The following ZNF568 variants were observed in gnomAD, a reference collection of about 807,000 sequenced individuals.
ZNF568 encodes zinc finger protein 568.
A neutral mutation model predicts 18.1 loss-of-function variants in ZNF568; 11 were observed. The ratio of observed to expected loss-of-function variants is 0.61; its 90% CI spans 0.38 to 1.00. The LOEUF (loss-of-function observed/expected upper bound fraction) is 1.00. Among genes scored for constraint, ZNF568 ranks in the 50% least tolerant of loss-of-function variants. The pLI is 0.01. For synonymous variants in ZNF568, 213 were observed against 246.6 expected, an observed-to-expected ratio of 0.86 and a Z score of 1.28; for missense variants, 639 against 768.2, an observed-to-expected ratio of 0.83 and a Z score of 1.99.
intron 6 of ZNF568, among the ~76,000 whole-genome samples, chr19:36,946,388 G>A (rs2073964909): frequency 6.6e-6 from 1 of 151,780 alleles, no homozygotes; most frequent in African/African-American, 2.4e-5. Context: ...TTACTATGAG[G>A]CAAGAAATGA....
exon 5 of ZNF568, chr19:36,997,082 C>T: frequency 6.4e-7 from 1 of 1,565,164 alleles, no homozygotes; most frequent in Non-Finnish European, 8.6e-7. Context: ...CGTTATGACA[C>T]ACAGCTGAGC....
At chr19:36,980,150 A>G (rs1268588634), downstream of ZNF568, 2 of 152,080 alleles carry the variant, frequency 1.3e-5, no homozygotes, top group Admixed American at 6.6e-5. Flanking sequence ...CTTGCCGGTT[A>G]TATGTGCTGT....
At chr19:36,980,590 C>T (rs144482519), downstream of ZNF568, among the ~76,000 whole-genome samples, 946 of 152,218 alleles carry the variant, frequency 6.2e-3, 27 homozygotes, top group East Asian at 0.05. Flanking sequence ...TATAATAATT[C>T]AGTAGAAAGC....
chr19:36,980,677 C>T (rs2074323977), downstream of ZNF568, among the ~76,000 whole-genome samples: 1 of 152,096 alleles, frequency 6.6e-6, no homozygotes, highest in African/African-American at 2.4e-5. Context: ...GTTGTATTAC[C>T]CTCCCAGTAT....
At chr19:36,974,376 G>T (rs1365334035) in intron 6 of ZNF568, 1 of 1,528,632 alleles carries the variant, frequency 6.5e-7, no homozygotes, top group Admixed American at 2.0e-5. Context: ...TTCAGGGAGG[G>T]ATTCAGGATG....
chr19:36,938,068 C>A (rs2073819681), intron 6 of ZNF568, among the ~76,000 whole-genome samples: 1 of 152,006 alleles, frequency 6.6e-6, no homozygotes, highest in Non-Finnish European at 1.5e-5. Context: ...AGAGAAAAAC[C>A]TGTTGGAATT....
exon 5 of ZNF568, chr19:36,996,728 G>A (rs1272987286): frequency 1.3e-6 from 2 of 1,537,324 alleles, no homozygotes; most frequent in Admixed American, 2.0e-5. Flanking sequence ...AATAACAAAT[G>A]TGCCTTTAAT....
In ZNF568 at chr19:36,950,308, A is replaced by G; in HGVS notation, c.1155A>G (p.Thr385=). The stretch of plus-strand genomic sequence containing the variant: ...TTACGCTACATATGAGAAGTCACAC[A>G]GGGGAGAAACCCTATAAATGTAATA... ...SSVTLHMRSH[T]GEKPYKCNKC... Residue 385 remains threonine, a synonymous_variant, in exon 7 of 7, where the codon ACA becomes ACG. Transcript: ENST00000333987. The G allele has an allele frequency of 6.2e-7, 1 of 1,613,882 alleles. No individual in the cohort carries two copies.
At chr19:36,948,658 A>ATTTTTTGTTTTTTTT (rs2074004663) in intron 6 of ZNF568, among the ~76,000 whole-genome samples, 1 of 83,576 alleles carries the variant, frequency 1.2e-5, no homozygotes. Flanking sequence ...TTTGTTGTTG[A>ATTTTTTGTTTTTTTT]TTTTTTTTTT....
At chr19:36,942,943 T>C (rs2073908250) in intron 6 of ZNF568, among the ~76,000 whole-genome samples, 1 of 152,160 alleles carries the variant, frequency 6.6e-6, no homozygotes, top group Admixed American at 6.5e-5. Flanking sequence ...AGGATCCAAA[T>C]AAAATCTGCA....
intron 6 of ZNF568, among the ~76,000 whole-genome samples, chr19:36,961,862 T>C (rs890433456): frequency 2.1e-5 from 3 of 145,126 alleles, no homozygotes; most frequent in African/African-American, 7.6e-5. Flanking sequence ...CTCTATCATA[T>C]TGTTAATTGG....
At chr19:36,995,170 G>A (rs1450146063) in intron 4 of ZNF568, among the ~76,000 whole-genome samples, 3 of 151,860 alleles carry the variant, frequency 2.0e-5, no homozygotes, top group African/African-American at 7.3e-5. Flanking sequence ...GGCCGAGGTG[G>A]GCAGATCAAT....
intron 6 of ZNF568, among the ~76,000 whole-genome samples, chr19:36,939,584 G>A (rs372019425): frequency 1.3e-4 from 17 of 130,154 alleles, no homozygotes; most frequent in African/African-American, 5.1e-4. Flanking sequence ...CTGTCATCCA[G>A]GCTGGAGTGC....
intron 6 of ZNF568, among the ~76,000 whole-genome samples, chr19:36,962,353 G>A (rs1319696285): frequency 2.2e-4 from 4 of 18,126 alleles, no homozygotes; most frequent in East Asian, 1.7e-3. Context: ...TTTTTTTTTC[G>A]TTTCTGAGGC....
chr19:36,979,212 A>T (rs1362151479), exon 8 of ZNF568: 1 of 184,350 alleles, frequency 5.4e-6, no homozygotes, highest in African/African-American at 2.4e-5. Context: ...CAAACTCCCG[A>T]CCTCAGGTGA....
rs1254249984 is a variant in ZNF568, at chr19:36,949,509, T to A, written c.359-3T>A. ...AGTAATAATTTCTGGTCCTCCATTT[T>A]AGAAGTTTGGGAAGTTGATGAACAG... On this transcript the variant is annotated splice_polypyrimidine_tract_variant and splice_region_variant and intron_variant, in intron 6 of 6. Coordinates refer to ENST00000333987, the MANE Select transcript of ZNF568 (RefSeq NM_198539.4). The A allele has an allele frequency of 2.6e-6, 4 of 1,553,412 alleles. No individual in the cohort carries two copies. The South Asian group carries it at 5.0e-5, about 20-fold the overall frequency.
At chr19:36,927,216 T>C (rs1005005108) in intron 4 of ZNF568, among the ~76,000 whole-genome samples, 4 of 152,202 alleles carry the variant, frequency 2.6e-5, no homozygotes, top group African/African-American at 7.2e-5. Flanking sequence ...AATATGCAAC[T>C]ATTAATATTT....
rs146292508 is a variant in ZNF568 at position 36,952,131 on chromosome 19, A to AATAT, written c.*1051_*1054dup. 1 of 662,778 alleles carries AATAT rather than the reference A, an allele frequency of 1.5e-6. No individual in the cohort carries two copies. Among genetic ancestry groups the AATAT allele is most frequent in the African/African-American group, 2.0e-5 (1 of 49,706 alleles). 41.1% of individuals were successfully genotyped at this position (662,778 alleles called of 1,614,324 possible). A position where few individuals can be genotyped will look rare whatever the true frequency, so the allele number is the denominator to read the frequency against. Reference sequence around the variant, plus strand: ...AGAAACTCACAAATAATGCATAAGAAATATATATATAATATATGTATGTAT... The same window carrying AATAT: ...AGAAACTCACAAATAATGCATAAGAAATATATATATATATAATATATGTATGTAT... On this transcript the variant is annotated 3_prime_UTR_variant, in exon 7 of 7. Transcript: ENST00000333987.
chr19:36,925,555 C>G (rs916553899), intron 4 of ZNF568, among the ~76,000 whole-genome samples: 1 of 151,982 alleles, frequency 6.6e-6, no homozygotes, highest in Non-Finnish European at 1.5e-5. Flanking sequence ...GAAAAACTTA[C>G]AATTATTTAA....
Sources: gnomAD v4.1 joint callset for allele counts (sites outside exome capture counted in the v4.1 genomes callset) on GRCh38, gnomAD v4.1.1 for gene constraint, MANE v1.5 for transcripts, NCBI Gene and HGNC (gene_info 2026-07-23, HGNC 2026-07-21) for gene names.